Variants in ADCY9 observed in about 807,000 individuals in gnomAD.
The protein encoded by ADCY9 is adenylate cyclase 9, also known as adenylate cyclase type 9.
Under a neutral mutation model 101.5 loss-of-function variants are expected in ADCY9, and 50 were observed. The observed-to-expected ratio is 0.49, with a 90% CI of 0.39 to 0.62. The LOEUF is 0.62. Ranked by LOEUF, ADCY9 falls within the 20% of genes least tolerant of loss-of-function variation. The pLI, the probability that ADCY9 is intolerant of heterozygous loss-of-function variation, is 0.00. For missense variants in ADCY9, 1,662 were observed against 1,800.4 expected (o/e 0.92, Z 1.39); for synonymous variants, 905 against 769.3 (o/e 1.18, Z -2.92).
chr16:3,976,621 T>A (rs2056094698), intron 9 of ADCY9, among the ~76,000 whole-genome samples: 1 of 152,196 alleles, frequency 6.6e-6, no homozygotes, highest in Non-Finnish European at 1.5e-5. Context: ...TAATCCTACG[T>A]CTCATGACAT....
intron 2 of ADCY9, among the ~76,000 whole-genome samples, chr16:4,050,613 C>G (rs1470979373): frequency 6.9e-6 from 1 of 143,964 alleles, no homozygotes; most frequent in African/African-American, 2.6e-5. Context: ...ACTAGGGAGG[C>G]TGAGGCAGGA....
intron 2 of ADCY9, among the ~76,000 whole-genome samples, chr16:4,042,853 C>CCGGTTT (rs2056636487): frequency 6.6e-6 from 1 of 152,186 alleles, no homozygotes; most frequent in African/African-American, 2.4e-5. Context: ...CGGTTTTGGT[C>CCGGTTT]TGCTAACTTA....
At chr16:4,064,542 A>G (rs2056789717) in intron 2 of ADCY9, among the ~76,000 whole-genome samples, 1 of 152,152 alleles carries the variant, frequency 6.6e-6, no homozygotes, top group African/African-American at 2.4e-5. Context: ...GCACAATCAG[A>G]GCTCACTGCA....
At chr16:4,105,432 G>A (rs1356370863) in intron 2 of ADCY9, among the ~76,000 whole-genome samples, 1 of 151,764 alleles carries the variant, frequency 6.6e-6, no homozygotes, top group African/African-American at 2.4e-5. Context: ...AGCACTTTGA[G>A]AGGCTGAGGC....
chr16:4,058,672 T>A (rs1035560166), intron 2 of ADCY9, among the ~76,000 whole-genome samples: 1 of 152,034 alleles, frequency 6.6e-6, no homozygotes, highest in African/African-American at 2.4e-5. Context: ...ATCAGGAGGA[T>A]AAAAGGCCAG....
chr16:4,076,348 C>G (rs1416222602), intron 2 of ADCY9, among the ~76,000 whole-genome samples: 1 of 152,196 alleles, frequency 6.6e-6, no homozygotes, highest in Non-Finnish European at 1.5e-5. Flanking sequence ...GGTGGCAAAT[C>G]TACAACTCCT....
intron 5 of ADCY9, among the ~76,000 whole-genome samples, chr16:3,957,217 C>T (rs754801222): frequency 6.6e-5 from 10 of 152,174 alleles, no homozygotes; most frequent in Non-Finnish European, 1.3e-4. Flanking sequence ...CCAATGATGC[C>T]CAGTTAGAAC....
chr16:4,005,365 C>T (rs1265464284), intron 3 of ADCY9, among the ~76,000 whole-genome samples: 5 of 152,066 alleles, frequency 3.3e-5, no homozygotes, highest in Non-Finnish European at 7.4e-5. Flanking sequence ...TAGCTGGGAC[C>T]GCAGGCACAG....
chr16:4,037,493 G>A (rs115127567), intron 2 of ADCY9, among the ~76,000 whole-genome samples: 130 of 151,972 alleles, frequency 8.6e-4, no homozygotes, highest in African/African-American at 3.0e-3. Flanking sequence ...CCATACCTTT[G>A]CTATTGCCAA....
chr16:3,965,929 TC>T lies in ADCY9; in HGVS notation c.3907del (p.Asp1303MetfsTer26), dbSNP rs756290470. The T allele has an allele frequency of 1.2e-6, 2 of 1,614,188 alleles. No homozygotes were observed. The highest frequency in any genetic ancestry group is 2.2e-5 in the South Asian group (2 of 91,082). On this transcript the variant is annotated frameshift_variant, in exon 11 of 11. Transcript: ENST00000294016. LOFTEE classifies it low-confidence loss of function (END_TRUNC). ...LGSDSSTQAKDAHLSPKRPWK... is the reference protein window; with the variant it reads ...LGSDSSTQAKXAHLSPKRPWK... ...CGGTCTCTTGGGGGACAGGTGGGCA[TC>T]CTTGGCCTGCGTGCTGCTGTCAGAA...
chr16:4,074,037 G>T (rs2056851061), intron 2 of ADCY9, among the ~76,000 whole-genome samples: 1 of 152,182 alleles, frequency 6.6e-6, no homozygotes, highest in African/African-American at 2.4e-5. Context: ...GTCACACATG[G>T]ATAGTAGCTA....
chr16:3,995,492 A>G (rs2056279498), intron 3 of ADCY9, among the ~76,000 whole-genome samples: 1 of 152,152 alleles, frequency 6.6e-6, no homozygotes, highest in Non-Finnish European at 1.5e-5. Flanking sequence ...GGCATACAGT[A>G]TACCCGTAAT....
chr16:4,029,064 T>C (rs1459238035), intron 2 of ADCY9, among the ~76,000 whole-genome samples: 1 of 152,190 alleles, frequency 6.6e-6, no homozygotes, highest in Non-Finnish European at 1.5e-5. Flanking sequence ...ATTACAGACG[T>C]GAGCCACTGC....
chr16:3,992,096 G>A lies in ADCY9; in HGVS notation c.2207+50C>T. ...AAAGAAAAGAAAAGAAAAAGGCAGA[G>A]AGGCTTCTGCCTGCAACCTTTGCTT... On this transcript the variant is annotated intron_variant, in intron 5 of 10. Transcript: ENST00000294016. The surrounding 1 kb of genome is among the most constrained non-coding windows in gnomAD (Gnocchi z 4.2). The A allele has an allele frequency of 1.3e-6, 2 of 1,556,404 alleles. No individual in the cohort carries two copies. Among genetic ancestry groups the A allele is most frequent in the Non-Finnish European group, 8.8e-7 (1 of 1,132,136 alleles).
Position 4,113,979 on chromosome 16 carries a change from G to A in ADCY9, c.1464C>T (p.Val488=), listed in dbSNP as rs2057130313. The A allele has an allele frequency of 6.2e-7, 1 of 1,613,946 alleles. No individual in the cohort carries two copies. The highest frequency in any genetic ancestry group is 8.5e-7 in the Non-Finnish European group (1 of 1,180,038). ...AAAGGACGGTGCCCGTGTGCACCCC[G>A]ACTCTCATGTTCACCATCTCCTTCT... ...QEKKEMVNMR[V]GVHTGTVLCG... The change falls in exon 2 of 11, where the codon GTC becomes GTT. Residue 488 remains valine, a synonymous_variant. Coordinates refer to ENST00000294016, the MANE Select transcript of ADCY9 (RefSeq NM_001116.4).
chr16:4,097,487 T>TATATATATATATATATATACACACAC (rs76750792), intron 2 of ADCY9, among the ~76,000 whole-genome samples: 1 of 72,506 alleles, frequency 1.4e-5, no homozygotes, highest in Non-Finnish European at 2.7e-5. Flanking sequence ...TATATATATA[T>TATATATATATATATATATACACACAC]ACACACACAC....
Position 4,114,697 on chromosome 16 carries a change from C to T in ADCY9, c.746G>A (p.Gly249Glu). ...CTCGAAAAGGACAGAGTAGGCCACCCCCAGACACAAACTCAGGTACAAAGG... is the reference window on the plus strand; with the variant it reads ...CTCGAAAAGGACAGAGTAGGCCACCTCCAGACACAAACTCAGGTACAAAGG... ...HLPLYLSLCL[G>E]VAYSVLFETF... is the part of the protein sequence containing the mutation. The change falls in exon 2 of 11, where the codon GGG (glycine) becomes GAG (glutamate). Residue 249 changes from glycine (G) to glutamate (E), a missense_variant. Coordinates refer to ENST00000294016, the MANE Select transcript of ADCY9 (RefSeq NM_001116.4). This position sits in a 1 kb window ranked among gnomAD's most constrained non-coding sequence, Gnocchi z 4.3. The T allele has an allele frequency of 6.2e-7, 1 of 1,613,136 alleles. No homozygotes were observed. Among genetic ancestry groups the T allele is most frequent in the Non-Finnish European group, 8.5e-7 (1 of 1,180,036 alleles).
At chr16:4,107,242 C>T (rs967232764) in intron 2 of ADCY9, among the ~76,000 whole-genome samples, 3 of 152,116 alleles carry the variant, frequency 2.0e-5, no homozygotes, top group Non-Finnish European at 4.4e-5. Flanking sequence ...ACGTGCATAA[C>T]AGATCCTGCT....
chr16:4,069,513 T>C (rs2056820662), intron 2 of ADCY9, among the ~76,000 whole-genome samples: 1 of 152,110 alleles, frequency 6.6e-6, no homozygotes, highest in Non-Finnish European at 1.5e-5. Flanking sequence ...GAACAACGAA[T>C]AAATAGAATA....
Sources: allele counts gnomAD v4.1 joint callset (sites outside exome capture counted in the v4.1 genomes callset), GRCh38; gene constraint gnomAD v4.1.1; non-coding constraint Gnocchi (gnomAD v3.1); transcripts MANE v1.5; gene names NCBI Gene and HGNC (gene_info 2026-07-23, HGNC 2026-07-21).